SNAPC1: variants seen among roughly 807,000 people sequenced by gnomAD.
SNAPC1 encodes small nuclear RNA activating complex polypeptide 1.
SNAPC1 carries 42 observed loss-of-function variants against 50.1 expected under a neutral mutation model. The ratio of observed to expected loss-of-function variants is 0.84; its 90% confidence interval spans 0.65 to 1.08. The LOEUF (loss-of-function observed/expected upper bound fraction) is 1.08. Among genes scored for constraint, SNAPC1 ranks in the 50% least tolerant of loss-of-function variants. The pLI is 0.00. For missense variants in SNAPC1, 477 were observed against 427.3 expected, an observed-to-expected ratio of 1.12 and a Z score of -1.02; for synonymous variants, 164 against 144.2, an observed-to-expected ratio of 1.14 and a Z score of -0.98.
Position 61,795,283 on chromosome 14 carries a change from T to A in SNAPC1, c.*300T>A, listed in dbSNP as rs2045181198. 4.4e-5 allele frequency: 13 copies of A among 296,512 alleles called. No homozygotes were observed. The South Asian group carries it at 6.4e-4, about 15-fold the overall frequency. The allele number at this position is 296,512 out of a possible 1,614,324, so 18.4% of individuals were successfully genotyped here. On this transcript the variant is annotated 3_prime_UTR_variant, in exon 10 of 10. Transcript: ENST00000216294. Reference sequence around the variant, plus strand: ...TATTTCCTATAAGGTTTTGTGATACTATACTGTCCTAATACAGTCTGGTAA... The same window carrying A: ...TATTTCCTATAAGGTTTTGTGATACAATACTGTCCTAATACAGTCTGGTAA...
rs145378546 is a variant in SNAPC1 at position 61,762,981 on chromosome 14, C to CTTTTT, written c.128+416_128+420dup. On this transcript the variant is annotated intron_variant, in intron 1 of 9. Transcript: ENST00000216294. The stretch of plus-strand genomic sequence containing the variant: ...TTTTTCCTCCAACAACCAAAGTTGT[C>CTTTTT]TTTTTTTTTTTTTTTTTTTTTTTTT... Among the ~76,000 whole-genome samples, 123 of 73,036 alleles carry CTTTTT rather than the reference C, an allele frequency of 1.7e-3. 23 individuals carry two copies. The highest frequency in any genetic ancestry group is 1.9e-3 in the African/African-American group (36 of 18,824). The allele number at this position is 73,036 out of a possible 152,430, so 47.9% of individuals were successfully genotyped here.
At chr14:61,768,054 C>T (rs565403282) in intron 3 of SNAPC1, among the ~76,000 whole-genome samples, 6 of 152,356 alleles carry the variant, frequency 3.9e-5, no homozygotes, top group African/African-American at 1.4e-4. Flanking sequence ...TGCTGCTCAC[C>T]TCAGGTGAGC....
At chr14:61,764,875 A>C (rs1258826004) in intron 1 of SNAPC1, among the ~76,000 whole-genome samples, 1 of 152,206 alleles carries the variant, frequency 6.6e-6, no homozygotes, top group African/African-American at 2.4e-5. Context: ...ATGTCCTCCT[A>C]CTACCCCCTT....
At chr14:61,769,734 A>G (rs1213438069) in intron 4 of SNAPC1, among the ~76,000 whole-genome samples, 1 of 152,156 alleles carries the variant, frequency 6.6e-6, no homozygotes, top group Non-Finnish European at 1.5e-5. Context: ...AAAACCTACC[A>G]TTGAAAACAG....
At chr14:61,791,940 G>T (rs1184021118) in intron 8 of SNAPC1, among the ~76,000 whole-genome samples, 5 of 151,928 alleles carry the variant, frequency 3.3e-5, no homozygotes, top group Non-Finnish European at 7.4e-5. Context: ...AAAGAAAATA[G>T]TGTTTCTGTT....
Position 61,782,334 on chromosome 14 carries a change from AG to A in SNAPC1, c.915del (p.Glu308ArgfsTer6). 6.2e-7 allele frequency: 1 copy of A among 1,613,556 alleles called. No homozygotes were observed. Among genetic ancestry groups the A allele is most frequent in the Non-Finnish European group, 8.5e-7 (1 of 1,179,686 alleles). ...ASGQGQVKATRKKEKKERLKP... is the reference protein window; with the variant it reads ...ASGQGQVKATXKKEKKERLKP... ...TGGTCAAGGGCAAGTCAAAGCAACTAGGAAAAAAGAGAAGAAAGAAAGATTG... is the reference window on the plus strand; with the variant it reads ...TGGTCAAGGGCAAGTCAAAGCAACTAGAAAAAAGAGAAGAAAGAAAGATTG... On this transcript the variant is annotated frameshift_variant, in exon 8 of 10. Transcript: ENST00000216294. LOFTEE classifies it high-confidence loss of function.
rs940529469 is a variant in SNAPC1 at position 61,796,222 on chromosome 14, C to T, written c.*1239C>T. Reference sequence around the variant, plus strand: ...TGGTGGCGGGCGCCTGTAATCCCAGCTACTCGGGAAGCTGAGGCAGGAGAA... The same window carrying T: ...TGGTGGCGGGCGCCTGTAATCCCAGTTACTCGGGAAGCTGAGGCAGGAGAA... On this transcript the variant is annotated 3_prime_UTR_variant, in exon 10 of 10. Transcript: ENST00000216294. The T allele has an allele frequency of 3.3e-5, 5 of 152,100 alleles. No homozygotes were observed. The highest frequency in any genetic ancestry group is 1.2e-4 in the African/African-American group (5 of 41,324). 9.4% of individuals were successfully genotyped at this position (152,100 alleles called of 1,614,324 possible).
Position 61,776,187 on chromosome 14 carries a change from G to C in SNAPC1, c.627G>C (p.Lys209Asn), listed in dbSNP as rs1465960964. Residue 209 changes from lysine to asparagine, a missense_variant, in exon 5 of 10, where the codon AAG becomes AAC. Lys to Asn is a moderately conservative substitution (Grantham distance 94). Coordinates refer to ENST00000216294, the MANE Select transcript of SNAPC1 (RefSeq NM_003082.4). ...SKPDKALSLI[K>N]DDFFDNIKNI... ...CAGATAAAGCCCTCAGCTTGATAAA[G>C]GATGATTTTTTTGACAATATTAAGA... is the stretch of plus-strand genomic sequence containing the variant. 5 of 1,612,752 alleles carry C rather than the reference G, an allele frequency of 3.1e-6. No individual in the cohort carries two copies. The highest frequency in any genetic ancestry group is 4.2e-6 in the Non-Finnish European group (5 of 1,179,354).
intron 4 of SNAPC1, among the ~76,000 whole-genome samples, chr14:61,771,949 T>C (rs1056138784): frequency 6.6e-6 from 1 of 152,050 alleles, no homozygotes; most frequent in Non-Finnish European, 1.5e-5. Context: ...TTGTGGAGAA[T>C]GGAAGAAAGA....
chr14:61,773,062 C>T (rs1294135256), intron 4 of SNAPC1, among the ~76,000 whole-genome samples: 4 of 152,168 alleles, frequency 2.6e-5, no homozygotes, highest in African/African-American at 7.2e-5. Context: ...AATTTTCCTT[C>T]TACTGCCTGC....
intron 9 of SNAPC1, among the ~76,000 whole-genome samples, chr14:61,794,104 T>G (rs2045171543): frequency 6.6e-6 from 1 of 152,240 alleles, no homozygotes; most frequent in Non-Finnish European, 1.5e-5. Flanking sequence ...TCTCCTGTGG[T>G]AGCCAGAATG....
At chr14:61,789,386 A>G (rs2045137026) in intron 8 of SNAPC1, among the ~76,000 whole-genome samples, 1 of 152,206 alleles carries the variant, frequency 6.6e-6, no homozygotes, top group South Asian at 2.1e-4. Flanking sequence ...AAAAATATAC[A>G]TACATACACA....
intron 5 of SNAPC1, among the ~76,000 whole-genome samples, chr14:61,776,679 A>G (rs2045037401): frequency 6.6e-6 from 1 of 152,222 alleles, no homozygotes; most frequent in African/African-American, 2.4e-5. Context: ...AATTCTAGAC[A>G]TACAACTTCT....
In SNAPC1 at chr14:61,776,087, G is replaced by T; in HGVS notation, c.535-8G>T. On this transcript the variant is annotated splice_polypyrimidine_tract_variant and splice_region_variant and intron_variant, in intron 4 of 9. Coordinates refer to ENST00000216294, the MANE Select transcript of SNAPC1 (RefSeq NM_003082.4). Reference sequence around the variant, plus strand: ...GAAGAAATAAAGGACTCATCTTTTTGCTTTTAGGAAATGCTGAATGTTCAT... The same window carrying T: ...GAAGAAATAAAGGACTCATCTTTTTTCTTTTAGGAAATGCTGAATGTTCAT... The T allele has an allele frequency of 6.4e-7, 1 of 1,566,286 alleles. No homozygotes were observed. The highest frequency in any genetic ancestry group is 1.2e-5 in the South Asian group (1 of 83,752).
At chr14:61,782,548 T>C (rs2045083757) in intron 8 of SNAPC1, 151 bp downstream of exon 8, 7 of 601,912 alleles carry the variant, frequency 1.2e-5, no homozygotes, top group Non-Finnish European at 1.7e-5. Context: ...TTCTGTTAGA[T>C]TCTTGGAATC....
intron 8 of SNAPC1, among the ~76,000 whole-genome samples, chr14:61,791,629 C>T (rs1263012785): frequency 6.6e-6 from 1 of 152,128 alleles, no homozygotes; most frequent in Non-Finnish European, 1.5e-5. Flanking sequence ...AGGTGGATCA[C>T]TTGAGGTCAG....
Position 61,762,456 on chromosome 14 carries a change from G to GGCGTGCGGGCTTCGGC in SNAPC1, c.-5_-4insGCGTGCGGGCTTCGGC. The GGCGTGCGGGCTTCGGC allele has an allele frequency of 1.8e-6, 2 of 1,129,982 alleles. No homozygotes were observed. Among genetic ancestry groups the GGCGTGCGGGCTTCGGC allele is most frequent in the Non-Finnish European group, 1.2e-6 (1 of 840,662 alleles). 70.0% of individuals were successfully genotyped at this position (1,129,982 alleles called of 1,614,324 possible). A position where few individuals can be genotyped will look rare whatever the true frequency, so the allele number is the denominator to read the frequency against. The stretch of plus-strand genomic sequence containing the variant: ...GGCTTCGGAGGCGTGCGGGCTTCGG[G>GGCGTGCGGGCTTCGGC]TGCCATGGGGACTCCTCCCGGCCTG... On this transcript the variant is annotated 5_prime_UTR_variant, in exon 1 of 10. Transcript: ENST00000216294.
Position 61,770,393 on chromosome 14 carries a change from C to A in SNAPC1, c.534+1653C>A, listed in dbSNP as rs113955967. Among the ~76,000 whole-genome samples the A allele has an allele frequency of 8.8e-3, 1,333 of 152,142 alleles. 7 individuals are homozygous for A. The highest frequency in any genetic ancestry group is 0.031 in the Middle Eastern group (9 of 294). On this transcript the variant is annotated intron_variant, in intron 4 of 9. Coordinates refer to ENST00000216294, the MANE Select transcript of SNAPC1 (RefSeq NM_003082.4). Reference sequence around the variant, plus strand: ...GAGTAGCTGGGATTACAGTTGTGCACCACCATGCCCAACTAATTTTTTCTA... The same window carrying A: ...GAGTAGCTGGGATTACAGTTGTGCAACACCATGCCCAACTAATTTTTTCTA...
chr14:61,770,105 A>C (rs566260858), intron 4 of SNAPC1, among the ~76,000 whole-genome samples: 4 of 152,324 alleles, frequency 2.6e-5, no homozygotes, highest in African/African-American at 7.2e-5. Context: ...TATTACACAC[A>C]GTATATACCC....
Sources: gnomAD v4.1 joint callset for allele counts (sites outside exome capture counted in the v4.1 genomes callset) on GRCh38, gnomAD v4.1.1 for gene constraint, MANE v1.5 for transcripts, NCBI Gene and HGNC (gene_info 2026-07-23, HGNC 2026-07-21) for gene names.